Variants in TTC39B observed in about 807,000 individuals in gnomAD.
TTC39B encodes the protein tetratricopeptide repeat domain 39B.
A neutral mutation model predicts 96.6 loss-of-function variants in TTC39B; 92 were observed. That is an observed-to-expected ratio of 0.95 (90% CI 0.80 to 1.13). TTC39B has a LOEUF of 1.13. Ranked by LOEUF, TTC39B falls within the 50% of genes most tolerant of loss-of-function variation. The probability of loss-of-function intolerance (pLI) is 0.00; values close to 1 mark genes in which losing one functional copy is unlikely to be tolerated. For missense variants in TTC39B, 955 were observed against 809.3 expected (o/e 1.18, Z -2.18); for synonymous variants, 367 against 299.4 (o/e 1.23, Z -2.33).
In TTC39B at chr9:15,189,797, A is replaced by T. The variant is rs748548687; in HGVS notation, c.1106-5T>A. ...CAACATTCACTTCTCCTGTACCTAG[A>T]AATTTAACAGGAAAAGACTCAGTCT... On this transcript the variant is annotated splice_region_variant and splice_polypyrimidine_tract_variant and intron_variant, in intron 11 of 19. Coordinates refer to ENST00000512701, the Ensembl canonical transcript of TTC39B. The T allele has an allele frequency of 6.3e-7, 1 of 1,599,666 alleles. No homozygotes were observed. The highest frequency in any genetic ancestry group is 8.5e-7 in the Non-Finnish European group (1 of 1,170,600).
chr9:15,240,361 C>G (rs370433020), intron 2 of TTC39B, among the ~76,000 whole-genome samples: 1 of 152,176 alleles, frequency 6.6e-6, no homozygotes, highest in Admixed American at 6.5e-5. Flanking sequence ...GAGAAACTGG[C>G]GAATAGATAA....
At chr9:15,172,994 AG>A (rs1244362897) in intron 19 of TTC39B, among the ~76,000 whole-genome samples, 2 of 152,196 alleles carry the variant, frequency 1.3e-5, no homozygotes, top group South Asian at 2.1e-4. Context: ...TAATGCATAA[AG>A]GGAAAGTGCA....
intron 18 of TTC39B, among the ~76,000 whole-genome samples, chr9:15,175,685 G>A (rs898311681): frequency 1.3e-5 from 2 of 152,100 alleles, no homozygotes; most frequent in African/African-American, 4.8e-5. Context: ...CAGAACATAA[G>A]AAAAAACCCT....
intron 2 of TTC39B, among the ~76,000 whole-genome samples, chr9:15,243,353 G>A (rs1388217441): frequency 6.6e-6 from 1 of 152,058 alleles, no homozygotes; most frequent in African/African-American, 2.4e-5. Flanking sequence ...TCCTCAATGG[G>A]GATGAAAGTT....
chr9:15,239,365 C>T (rs1172152381), intron 2 of TTC39B, among the ~76,000 whole-genome samples: 1 of 152,174 alleles, frequency 6.6e-6, no homozygotes, highest in African/African-American at 2.4e-5. Context: ...GAAGATATCT[C>T]AAGGAGCTAA....
At chr9:15,199,684 G>A (rs1410831592) in intron 8 of TTC39B, among the ~76,000 whole-genome samples, 177 bp downstream of exon 8, 3 of 121,502 alleles carry the variant, frequency 2.5e-5, no homozygotes, top group East Asian at 2.8e-4. Context: ...GCAGTGAGCC[G>A]AGATTGCGCC....
chr9:15,169,288 T>C (rs780410595), exon 20 of TTC39B: 1 of 152,176 alleles, frequency 6.6e-6, no homozygotes, highest in Admixed American at 6.5e-5. Context: ...TCAGGGAGCA[T>C]AGAAAACATT....
At chr9:15,166,982 T>TTTA (rs1387664027) in exon 20 of TTC39B, 1 of 20,276 alleles carries the variant, frequency 4.9e-5, no homozygotes, top group African/African-American at 1.8e-4. Flanking sequence ...AACCTTTATT[T>TTTA]TATATATATA....
chr9:15,260,975 A>G (rs1260162107), intron 2 of TTC39B, among the ~76,000 whole-genome samples: 4 of 152,228 alleles, frequency 2.6e-5, no homozygotes, highest in Non-Finnish European at 5.9e-5. Flanking sequence ...AAATTTCCGT[A>G]AGATGCTCTG....
chr9:15,195,334 C>G (rs1379430100), intron 8 of TTC39B, among the ~76,000 whole-genome samples: 1 of 152,056 alleles, frequency 6.6e-6, no homozygotes, highest in Non-Finnish European at 1.5e-5. Flanking sequence ...TGGAAGCTAA[C>G]AGAGGTTGTT....
At chr9:15,276,218 G>A (rs1361943780) in intron 1 of TTC39B, among the ~76,000 whole-genome samples, 1 of 152,206 alleles carries the variant, frequency 6.6e-6, no homozygotes, top group African/African-American at 2.4e-5. Flanking sequence ...AATTGCACCT[G>A]CCTGGCTCAC....
At chr9:15,238,881 G>C (rs867796007) in intron 2 of TTC39B, among the ~76,000 whole-genome samples, 18 of 152,156 alleles carry the variant, frequency 1.2e-4, no homozygotes, top group African/African-American at 4.1e-4. Context: ...AGCAACTAAG[G>C]AGGCTTAAGT....
At chr9:15,218,551 T>C (rs539220177) in intron 3 of TTC39B, among the ~76,000 whole-genome samples, 1 of 151,950 alleles carries the variant, frequency 6.6e-6, no homozygotes, top group African/African-American at 2.4e-5. Context: ...ATAATATATA[T>C]CTTCAGTGAG....
chr9:15,188,547 T>A (rs917099768), intron 13 of TTC39B, among the ~76,000 whole-genome samples: 1 of 152,104 alleles, frequency 6.6e-6, no homozygotes, highest in Non-Finnish European at 1.5e-5. Context: ...AATAAAATTC[T>A]GTAAGAAAAA....
At chr9:15,280,347 G>C (rs1438575446) in intron 1 of TTC39B, among the ~76,000 whole-genome samples, 2 of 152,188 alleles carry the variant, frequency 1.3e-5, no homozygotes, top group African/African-American at 4.8e-5. Flanking sequence ...TCCCTTTACA[G>C]AAAAAGTTTG....
At chr9:15,265,054 G>A (rs953524314) in intron 2 of TTC39B, among the ~76,000 whole-genome samples, 1 of 152,112 alleles carries the variant, frequency 6.6e-6, no homozygotes. Flanking sequence ...AATATAAATT[G>A]TTTCCCTCAT....
intron 2 of TTC39B, chr9:15,249,619 T>C (rs1470854166): frequency 6.1e-6 from 1 of 165,216 alleles, no homozygotes; most frequent in Non-Finnish European, 1.3e-5. Context: ...AAACCAGCCA[T>C]GGCATCCCGG....
intron 2 of TTC39B, among the ~76,000 whole-genome samples, chr9:15,260,954 G>C (rs979426917): frequency 1.4e-4 from 21 of 152,154 alleles, no homozygotes; most frequent in African/African-American, 4.8e-4. Context: ...TTCTATGTAA[G>C]GATAAATTTG....
chr9:15,214,687 CTGTTT>C (rs1820413871), intron 3 of TTC39B, among the ~76,000 whole-genome samples: 1 of 152,138 alleles, frequency 6.6e-6, no homozygotes, highest in South Asian at 2.1e-4. Flanking sequence ...GAAATTTGTT[CTGTTT>C]TGATTTCTCC....
Sources: allele counts gnomAD v4.1 joint callset (sites outside exome capture counted in the v4.1 genomes callset), GRCh38; gene constraint gnomAD v4.1.1; transcripts MANE v1.5; gene names NCBI Gene and HGNC (gene_info 2026-07-23, HGNC 2026-07-21).